The following PPFIA2 variants were observed in gnomAD, a reference collection of about 807,000 sequenced individuals.
PPFIA2 encodes PPFI scaffold protein A2, also known as liprin-alpha-2.
PPFIA2 carries 46 observed loss-of-function variants against 175.5 expected under a neutral mutation model. That is an observed-to-expected ratio of 0.26 (90% CI 0.21 to 0.34). The LOEUF (loss-of-function observed/expected upper bound fraction) is 0.34, where lower values mean the gene tolerates loss of function less well. PPFIA2 is among the 10% of genes least tolerant of loss of function. PPFIA2 has a pLI of 1.00. For synonymous variants in PPFIA2, 568 were observed against 511.4 expected (o/e 1.11, Z -1.49); for missense variants, 1,179 against 1,506.1 (o/e 0.78, Z 3.60).
intron 20 of PPFIA2, among the ~76,000 whole-genome samples, chr12:81,339,724 G>A (rs1345826775): frequency 1.3e-5 from 2 of 151,944 alleles, no homozygotes; most frequent in African/African-American, 2.4e-5. Flanking sequence ...CTACAGCAAG[G>A]AACTGAAATA....
intron 3 of PPFIA2, among the ~76,000 whole-genome samples, chr12:81,742,309 T>G (rs1835513001): frequency 2.0e-5 from 3 of 152,186 alleles, no homozygotes; most frequent in Admixed American, 2.0e-4. Flanking sequence ...ATCGATGAGC[T>G]ACAAGGACAC....
intron 4 of PPFIA2, among the ~76,000 whole-genome samples, chr12:81,652,399 A>G (rs2067158863): frequency 6.6e-6 from 1 of 151,784 alleles, no homozygotes; most frequent in Admixed American, 6.6e-5. Flanking sequence ...TAAAAAAAAC[A>G]ACACAAAGAC....
intron 4 of PPFIA2, among the ~76,000 whole-genome samples, chr12:81,620,836 A>C (rs1045291781): frequency 1.3e-5 from 2 of 152,222 alleles, no homozygotes; most frequent in African/African-American, 4.8e-5. Context: ...ATCTTCTAAA[A>C]TATTAAGGTC....
At chr12:81,508,791 A>C (rs1189876237) in intron 4 of PPFIA2, among the ~76,000 whole-genome samples, 1 of 113,726 alleles carries the variant, frequency 8.8e-6, no homozygotes, top group Non-Finnish European at 1.7e-5. Flanking sequence ...CAGTCCCCAG[A>C]GTGTGATGTT....
intron 21 of PPFIA2, among the ~76,000 whole-genome samples, chr12:81,332,109 C>G (rs1026960758): frequency 6.6e-6 from 1 of 151,896 alleles, no homozygotes; most frequent in Non-Finnish European, 1.5e-5. Flanking sequence ...AAACAGAGCT[C>G]GTTTGCTCTA....
At chr12:81,263,689 A>G (rs1024549049) in intron 30 of PPFIA2, among the ~76,000 whole-genome samples, 4 of 152,220 alleles carry the variant, frequency 2.6e-5, no homozygotes, top group African/African-American at 9.6e-5. Context: ...CAAAATAAAT[A>G]TTGTATATAC....
chr12:81,319,707 G>A (rs2139535412), intron 22 of PPFIA2, among the ~76,000 whole-genome samples: 1 of 151,932 alleles, frequency 6.6e-6, no homozygotes, highest in Admixed American at 6.6e-5. Flanking sequence ...TTTTGGAATG[G>A]GATGAAGGAG....
In PPFIA2 at chr12:81,319,083, T is replaced by C. The variant is rs527969719; in HGVS notation, c.2642+6694A>G. ...ATTTTTCATATACTAATTTTTATTT[T>C]ACTCTTTCCAGATCAAAAATGTTTC... On this transcript the variant is annotated intron_variant, in intron 22 of 32. Coordinates refer to ENST00000549396, the MANE Select transcript of PPFIA2 (RefSeq NM_003625.5). 2.6e-5 allele frequency among the ~76,000 whole-genome samples: 4 copies of C among 151,874 alleles called. No homozygotes were observed. In the East Asian group the frequency reaches 7.7e-4, roughly 29 times the overall value.
chr12:81,422,388 T>A (rs997189167), intron 7 of PPFIA2, among the ~76,000 whole-genome samples: 4 of 152,028 alleles, frequency 2.6e-5, no homozygotes. Flanking sequence ...TACTTTTAAC[T>A]GTTTACAGTG....
chr12:81,475,570 T>G lies in PPFIA2; in HGVS notation c.304-17704A>C, dbSNP rs1297919256. Among the ~76,000 whole-genome samples, 3 of 152,332 alleles carry G rather than the reference T, an allele frequency of 2.0e-5. No individual in the cohort carries two copies. The East Asian group carries it at 5.8e-4, about 29-fold the overall frequency. On this transcript the variant is annotated intron_variant, in intron 4 of 32. Transcript: ENST00000549396. ...AAATATTGACTTGCAAGCTCATATTTGGTTATTTTAATCCGTTGAGATTTC... is the reference window on the plus strand; with the variant it reads ...AAATATTGACTTGCAAGCTCATATTGGGTTATTTTAATCCGTTGAGATTTC...
At position 81,508,115 on chromosome 12, in the gene PPFIA2, C is replaced by T. The variant is rs565625352; in HGVS notation, c.304-50249G>A. Among the ~76,000 whole-genome samples the T allele has an allele frequency of 2.8e-4, 43 of 152,114 alleles. No homozygotes were observed. The South Asian group carries it at 6.0e-3, about 21-fold the overall frequency. ...TGGGGCATTAACTTTATTATAGGTA[C>T]GCAATATATAAATATATGTATGCTT... On this transcript the variant is annotated intron_variant, in intron 4 of 32. Coordinates refer to ENST00000549396, the MANE Select transcript of PPFIA2 (RefSeq NM_003625.5).
At chr12:81,747,052 T>C (rs1408894893) in intron 3 of PPFIA2, among the ~76,000 whole-genome samples, 3 of 143,676 alleles carry the variant, frequency 2.1e-5, no homozygotes, top group African/African-American at 7.3e-5. Flanking sequence ...ACAATGATGA[T>C]AGAAGCCTGA....
chr12:81,357,873 A>C (rs2061079985), intron 16 of PPFIA2, among the ~76,000 whole-genome samples: 1 of 152,160 alleles, frequency 6.6e-6, no homozygotes, highest in Non-Finnish European at 1.5e-5. Context: ...ATAATGTTAT[A>C]TGAATAAATA....
At chr12:81,370,067 T>C (rs1054805856) in intron 11 of PPFIA2, among the ~76,000 whole-genome samples, 3 of 151,794 alleles carry the variant, frequency 2.0e-5, no homozygotes, top group African/African-American at 4.8e-5. Flanking sequence ...CTCTGATAGA[T>C]TGTTAAAAGT....
chr12:81,723,707 C>T (rs2079654102), intron 3 of PPFIA2, among the ~76,000 whole-genome samples: 1 of 150,864 alleles, frequency 6.6e-6, no homozygotes, highest in African/African-American at 2.4e-5. Flanking sequence ...GCAAACACAA[C>T]TATTGTAATG....
chr12:81,521,221 C>T (rs944302460), intron 4 of PPFIA2, among the ~76,000 whole-genome samples: 2 of 150,884 alleles, frequency 1.3e-5, no homozygotes, highest in African/African-American at 4.9e-5. Flanking sequence ...AAAAAAAGTG[C>T]GGTGTAAAGA....
chr12:81,585,086 A>C (rs2075123378), intron 4 of PPFIA2, among the ~76,000 whole-genome samples: 1 of 129,168 alleles, frequency 7.7e-6, no homozygotes, highest in Non-Finnish European at 1.6e-5. Flanking sequence ...TAATATATAT[A>C]ATATATAAAA....
chr12:81,605,023 G>C (rs2060146969), intron 4 of PPFIA2, among the ~76,000 whole-genome samples: 1 of 151,666 alleles, frequency 6.6e-6, no homozygotes, highest in African/African-American at 2.4e-5. Flanking sequence ...TGAAATGCAT[G>C]TTATCAGCTT....
intron 3 of PPFIA2, among the ~76,000 whole-genome samples, chr12:81,710,122 A>C (rs1409618435): frequency 1.3e-5 from 2 of 151,982 alleles, no homozygotes; most frequent in Non-Finnish European, 2.9e-5. Context: ...TTTAATATCT[A>C]TAGTAAAATT....
Sources: allele counts gnomAD v4.1 joint callset (sites outside exome capture counted in the v4.1 genomes callset), GRCh38; gene constraint gnomAD v4.1.1; transcripts MANE v1.5; gene names NCBI Gene and HGNC (gene_info 2026-07-23, HGNC 2026-07-21).